MYO1H: variants seen among roughly 807,000 people sequenced by gnomAD.
MYO1H encodes the protein myosin IH.
In MYO1H, 118 loss-of-function variants were observed where a neutral mutation model predicts 149.3. The observed-to-expected ratio is 0.79, with a 90% confidence interval of 0.68 to 0.92. The LOEUF (loss-of-function observed/expected upper bound fraction) is 0.92, where lower values mean the gene tolerates loss of function less well. Ranked by LOEUF, MYO1H falls within the 40% of genes least tolerant of loss-of-function variation. The probability of loss-of-function intolerance (pLI) is 0.00; values close to 1 mark genes in which losing one functional copy is unlikely to be tolerated. For missense variants in MYO1H, 1,212 were observed against 1,280.7 expected (o/e 0.95, Z 0.82); for synonymous variants, 447 against 465.2 (o/e 0.96, Z 0.50).
chr12:109,341,856 A>G, the MYO1H span, among the ~76,000 whole-genome samples: 2 of 152,122 alleles, frequency 1.3e-5, no homozygotes, highest in Non-Finnish European at 2.9e-5. Context: ...TGTGATGTGT[A>G]GTCTGCTGGC....
intron 1 of MYO1H, among the ~76,000 whole-genome samples, chr12:109,369,160 G>A (rs1300676752): frequency 1.3e-5 from 2 of 151,890 alleles, no homozygotes; most frequent in East Asian, 3.9e-4. Flanking sequence ...GCTAATTTTT[G>A]TACTTTTACT....
intron 14 of MYO1H, among the ~76,000 whole-genome samples, chr12:109,413,139 AT>A (rs58457524): frequency 2.0e-5 from 3 of 151,770 alleles, no homozygotes; most frequent in South Asian, 4.1e-4. Context: ...ACGCCTGGCT[AT>A]TTTTTTGTAT....
Position 109,383,436 on chromosome 12 carries a change from C to T in MYO1H, c.13-5247C>T, listed in dbSNP as rs79599307. ...AGTCAGGATAAGCAGTCTTCAGCTA[C>T]AATAACAAACAGCCCCAAAACTCAG... On this transcript the variant is annotated intron_variant, in intron 1 of 31. Transcript: ENST00000310903. Among the ~76,000 whole-genome samples, 130 of 152,298 alleles carry T rather than the reference C, an allele frequency of 8.5e-4. 1 individual carries two copies. In the East Asian group the frequency reaches 0.019, roughly 23 times the overall value.
In MYO1H at chr12:109,401,163, G is replaced by A. The variant is rs1870141915; in HGVS notation, c.641G>A (p.Gly214Asp). The change falls in exon 6 of 32, where the codon GGC becomes GAC. Residue 214 changes from glycine to aspartate, a missense_variant. Coordinates refer to ENST00000310903, the Ensembl canonical transcript of MYO1H. Reference sequence around the variant, plus strand: ...TCCCGAGTTGTCTACCAAAACGAAGGCGAGCGGAATTTCCACATCTTCTAC... The same window carrying A: ...TCCCGAGTTGTCTACCAAAACGAAGACGAGCGGAATTTCCACATCTTCTAC... 1 of 1,613,904 alleles carries A rather than the reference G, an allele frequency of 6.2e-7. No individual in the cohort carries two copies. Among genetic ancestry groups the A allele is most frequent in the Non-Finnish European group, 8.5e-7 (1 of 1,179,852 alleles).
chr12:109,332,520 G>C, the MYO1H span, among the ~76,000 whole-genome samples: 1 of 152,232 alleles, frequency 6.6e-6, no homozygotes, highest in African/African-American at 2.4e-5. Flanking sequence ...CCTTGTGGCC[G>C]TTCCTGTCAA....
chr12:109,405,539 A>G (rs1870339687), intron 7 of MYO1H, among the ~76,000 whole-genome samples: 4 of 152,124 alleles, frequency 2.6e-5, no homozygotes, highest in Admixed American at 2.6e-4. Flanking sequence ...CGATCTCTTG[A>G]CTTCGGGTGA....
chr12:109,313,872 T>C, the MYO1H span, among the ~76,000 whole-genome samples: 1 of 152,116 alleles, frequency 6.6e-6, no homozygotes, highest in African/African-American at 2.4e-5. Flanking sequence ...GAAAAGTGTT[T>C]TCTTTGGAGT....
intron 1 of MYO1H, among the ~76,000 whole-genome samples, chr12:109,356,671 C>T (rs1868613691): frequency 6.6e-6 from 1 of 152,022 alleles, no homozygotes; most frequent in Non-Finnish European, 1.5e-5. Context: ...TCCCGTGGGC[C>T]AATTTAAGGC....
intron 1 of MYO1H, among the ~76,000 whole-genome samples, chr12:109,352,331 C>T (rs1056371045): frequency 1.3e-5 from 2 of 152,180 alleles, no homozygotes; most frequent in Non-Finnish European, 2.9e-5. Flanking sequence ...TGCATTTCTT[C>T]GTGTGCATGA....
chr12:109,360,203 G>C (rs1020563205), intron 1 of MYO1H, among the ~76,000 whole-genome samples: 1 of 151,514 alleles, frequency 6.6e-6, no homozygotes, highest in Admixed American at 6.6e-5. Context: ...AACTTATTCA[G>C]AGTTTCCCAG....
chr12:109,352,510 ATTACATACACT>A (rs1362748595), intron 1 of MYO1H, among the ~76,000 whole-genome samples: 2 of 152,186 alleles, frequency 1.3e-5, no homozygotes, highest in East Asian at 3.9e-4. Context: ...TAGAATCCTT[ATTACATACACT>A]TTTGCTACAT....
chr12:109,410,209 A>G (rs758423648), intron 12 of MYO1H, 141 bp downstream of exon 12: 1 of 476,450 alleles, frequency 2.1e-6, no homozygotes, highest in Non-Finnish European at 3.7e-6. Context: ...TGGCACAATC[A>G]TGACTGGTTG....
intron 23 of MYO1H, 129 bp from the exon 24 acceptor site, chr12:109,439,502 C>CTGTGGCCTACATTCCAGGCT: frequency 1.1e-6 from 1 of 902,006 alleles, no homozygotes; most frequent in Non-Finnish European, 1.7e-6. Flanking sequence ...CAGATTTGGC[C>CTGTGGCCTACATTCCAGGCT]TCTGGCCTAT....
rs373065987 is a variant in MYO1H at position 109,439,733 on chromosome 12, C to T, written c.2397C>T (p.His799=). ...ATTACATCTTGAATCTCCGGTATCA[C>T]CTTCCAAAGACTGTCCTGGACAAGA... Residue 799 remains histidine (H), a synonymous_variant, in exon 24 of 32, where the codon CAC becomes CAT. Coordinates refer to ENST00000310903, the Ensembl canonical transcript of MYO1H. 4.8e-5 allele frequency: 77 copies of T among 1,613,950 alleles called. No homozygotes were observed. In the African/African-American group the frequency reaches 8.5e-4, roughly 18 times the overall value.
At chr12:109,401,055 ATTGTTGTCACTG>A in intron 5 of MYO1H, 26 bp from the exon 6 acceptor site, 1 of 1,593,742 alleles carries the variant, frequency 6.3e-7, no homozygotes, top group South Asian at 1.1e-5. Context: ...GAGTGGTTTG[ATTGTTGTCACTG>A]CTGCAATTTT....
rs59471788 is a variant in MYO1H at position 109,419,187 on chromosome 12, TACACAC to T, written c.1598-1769_1598-1764del. 7.0e-3 allele frequency among the ~76,000 whole-genome samples: 1,043 copies of T among 148,756 alleles called. 5 individuals carry two copies. Among genetic ancestry groups the T allele is most frequent in the African/African-American group, 0.023 (947 of 40,724 alleles). On this transcript the variant is annotated intron_variant, in intron 15 of 31. Transcript: ENST00000310903. ...TTTTCTGCATATACCTATGTGAGGA[TACACAC>T]ACACACACACACACACACACACACT...
At chr12:109,352,602 C>A (rs1239115053) in intron 1 of MYO1H, among the ~76,000 whole-genome samples, 1 of 152,184 alleles carries the variant, frequency 6.6e-6, no homozygotes, top group Admixed American at 6.5e-5. Flanking sequence ...TTCTCCCCGA[C>A]ATGTATGATG....
the MYO1H span, among the ~76,000 whole-genome samples, chr12:109,317,829 A>G: frequency 6.6e-6 from 1 of 152,208 alleles, no homozygotes; most frequent in Non-Finnish European, 1.5e-5. Flanking sequence ...AGGGCTTTAC[A>G]GCTCTGTCTT....
the MYO1H span, among the ~76,000 whole-genome samples, chr12:109,341,176 G>A: frequency 1.0e-4 from 12 of 116,948 alleles, no homozygotes; most frequent in Admixed American, 2.3e-4. Context: ...GTGACAGAGC[G>A]AGACTCCATC....
Sources: allele counts gnomAD v4.1 joint callset (sites outside exome capture counted in the v4.1 genomes callset), GRCh38; gene constraint gnomAD v4.1.1; transcripts MANE v1.5; gene names NCBI Gene and HGNC (gene_info 2026-07-23, HGNC 2026-07-21).